The following FBLIM1 variants were observed in gnomAD, a reference collection of about 807,000 sequenced individuals.
FBLIM1 encodes the protein filamin binding LIM protein 1.
FBLIM1 carries 29 observed loss-of-function variants against 37.4 expected under a neutral mutation model. The observed-to-expected ratio is 0.77, with a 90% CI of 0.58 to 1.06. The LOEUF is 1.06. Ranked by LOEUF, FBLIM1 falls within the 50% of genes least tolerant of loss-of-function variation. FBLIM1 has a pLI of 0.00. For missense variants in FBLIM1, 449 were observed against 505.6 expected, an observed-to-expected ratio of 0.89 and a Z score of 1.07; for synonymous variants, 193 against 199.0, an observed-to-expected ratio of 0.97 and a Z score of 0.25.
In FBLIM1 at chr1:15,765,052, T is replaced by C; in HGVS notation, c.69T>C (p.Asp23=). The change falls in exon 3 of 9, where the codon GAT becomes GAC. Residue 23 remains aspartate (D), a synonymous_variant. Coordinates refer to ENST00000375766, the MANE Select transcript of FBLIM1 (RefSeq NM_017556.4). This position sits in a 1 kb window ranked among gnomAD's most constrained non-coding sequence, Gnocchi z 5.9. ...VFITLAPPRR[D]VAVAEEVRQA... The stretch of plus-strand genomic sequence containing the variant: ...TCACCCTGGCACCCCCGCGCCGCGA[T>C]GTGGCCGTGGCGGAGGAAGTGAGGC... 6.2e-7 allele frequency: 1 copy of C among 1,614,070 alleles called. No individual in the cohort carries two copies.
chr1:15,776,196 G>A (rs536759662), intron 7 of FBLIM1, among the ~76,000 whole-genome samples: 1 of 151,204 alleles, frequency 6.6e-6, no homozygotes, highest in South Asian at 2.1e-4. Context: ...GGCAGAGGTT[G>A]CAGTGAGCCG....
chr1:15,780,197 T>C (rs116353597), intron 8 of FBLIM1, among the ~76,000 whole-genome samples: 3,086 of 151,728 alleles, frequency 0.02, 79 homozygotes, highest in African/African-American at 0.063. Flanking sequence ...GGCCTGAAAT[T>C]CTTAAATTTT....
At chr1:15,783,307 G>T (rs2069690307) in intron 8 of FBLIM1, among the ~76,000 whole-genome samples, 1 of 152,146 alleles carries the variant, frequency 6.6e-6, no homozygotes, top group South Asian at 2.1e-4. Flanking sequence ...AAATATTAAT[G>T]TTTGTGCTGG....
At chr1:15,769,787 T>C (rs923213021) in intron 5 of FBLIM1, among the ~76,000 whole-genome samples, 2 of 151,754 alleles carry the variant, frequency 1.3e-5, no homozygotes, top group Non-Finnish European at 2.9e-5. Context: ...AGGCGCCCGC[T>C]ACCACGCCCA....
intron 6 of FBLIM1, among the ~76,000 whole-genome samples, chr1:15,772,196 GATTTGAAGGGTTAGAGT>G (rs1157527409): frequency 5.3e-5 from 8 of 152,300 alleles, no homozygotes; most frequent in Non-Finnish European, 1.5e-5. Flanking sequence ...GAAAACGGCT[GATTTGAAGGGTTAGAGT>G]ATTTGGAGCT....
At chr1:15,770,342 C>G in intron 5 of FBLIM1, 67 bp from the exon 6 acceptor site, 1 of 1,540,440 alleles carries the variant, frequency 6.5e-7, no homozygotes, top group South Asian at 1.1e-5. Context: ...TGAGCATGTT[C>G]TGGGTGGTGC....
intron 8 of FBLIM1, among the ~76,000 whole-genome samples, chr1:15,780,874 C>A (rs1299476122): frequency 6.6e-6 from 1 of 152,130 alleles, no homozygotes; most frequent in African/African-American, 2.4e-5. Flanking sequence ...GGTCAAAGTC[C>A]TGCTGATAAT....
rs1443341967 is a variant in FBLIM1, at chr1:15,777,904, G to A, written c.1008+617G>A. Reference sequence around the variant, plus strand: ...CATCTCTTGGCTCTCCCTTGTTTGTGTGTTTGCTTCATTTTCTCTGCCTGT... The same window carrying A: ...CATCTCTTGGCTCTCCCTTGTTTGTATGTTTGCTTCATTTTCTCTGCCTGT... On this transcript the variant is annotated intron_variant, in intron 8 of 8. Coordinates refer to ENST00000375766, the MANE Select transcript of FBLIM1 (RefSeq NM_017556.4). Among the ~76,000 whole-genome samples the A allele has an allele frequency of 2.6e-5, 4 of 152,200 alleles. 1 individual carries two copies. Among genetic ancestry groups the A allele is most frequent in the East Asian group, 3.9e-4 (2 of 5,176 alleles).
intron 6 of FBLIM1, among the ~76,000 whole-genome samples, chr1:15,771,165 C>G (rs889864205): frequency 2.6e-5 from 4 of 151,830 alleles, no homozygotes; most frequent in Non-Finnish European, 5.9e-5. Context: ...GTCTTGAACT[C>G]CTGACCTCGT....
In FBLIM1 at chr1:15,762,967, G is replaced by T. The variant is rs563127261; in HGVS notation, c.-210-1529G>T. 3.9e-5 allele frequency among the ~76,000 whole-genome samples: 6 copies of T among 152,288 alleles called. No individual in the cohort carries two copies. The East Asian group carries it at 9.7e-4, about 25-fold the overall frequency. On this transcript the variant is annotated intron_variant, in intron 1 of 8. Coordinates refer to ENST00000375766, the MANE Select transcript of FBLIM1 (RefSeq NM_017556.4). Reference sequence around the variant, plus strand: ...GAAAACCATAGAAGAAACACTGCAAGGCAAGAGAGAGGACATAGGAAGGGC... The same window carrying T: ...GAAAACCATAGAAGAAACACTGCAATGCAAGAGAGAGGACATAGGAAGGGC...
At chr1:15,767,095 G>T (rs192870897) in intron 3 of FBLIM1, among the ~76,000 whole-genome samples, 5 of 151,856 alleles carry the variant, frequency 3.3e-5, no homozygotes, top group Non-Finnish European at 7.4e-5. Context: ...GTCTCACTAT[G>T]TTGCCCAGGC....
At position 15,768,536 on chromosome 1, in the gene FBLIM1, G is replaced by A. The variant is rs140170023; in HGVS notation, c.447G>A (p.Ala149=). ...SPPPPPPQAP[A]EGPSVQPGPL... Reference sequence around the variant, plus strand: ...CGTCTGCATCCCCACAGGCCCCAGCGGAGGGACCTTCAGTCCAGCCCGGTC... The same window carrying A: ...CGTCTGCATCCCCACAGGCCCCAGCAGAGGGACCTTCAGTCCAGCCCGGTC... Residue 149 remains alanine (A), a synonymous_variant, in exon 5 of 9, where the codon GCG becomes GCA. Transcript: ENST00000375766. The A allele has an allele frequency of 0.013, 20,515 of 1,585,318 alleles. 170 individuals are homozygous for A. The highest frequency in any genetic ancestry group is 0.018 in the Middle Eastern group (106 of 5,922).
intron 4 of FBLIM1, 107 bp from the exon 5 acceptor site, chr1:15,768,421 T>C: frequency 1.4e-6 from 1 of 701,386 alleles, no homozygotes; most frequent in Non-Finnish European, 2.2e-6. Context: ...TTGGTTTCCT[T>C]CTCGGTACAA....
At chr1:15,767,144 C>G (rs569658523) in intron 3 of FBLIM1, among the ~76,000 whole-genome samples, 1 of 152,014 alleles carries the variant, frequency 6.6e-6, no homozygotes, top group African/African-American at 2.4e-5. Context: ...CTGCCTACCT[C>G]GGCCTCCCAA....
chr1:15,760,925 GCCGGGGCTC>G (rs903448347), intron 1 of FBLIM1, among the ~76,000 whole-genome samples: 2 of 152,160 alleles, frequency 1.3e-5, no homozygotes, highest in African/African-American at 4.8e-5. Context: ...CGGGAGGGAA[GCCGGGGCTC>G]CCTCTCCCGA....
intron 1 of FBLIM1, among the ~76,000 whole-genome samples, chr1:15,760,649 C>G (rs1358695644): frequency 6.6e-6 from 1 of 151,912 alleles, no homozygotes; most frequent in Admixed American, 6.5e-5. Flanking sequence ...GTGACCCCCC[C>G]TGAGCTGCAC....
intron 1 of FBLIM1, among the ~76,000 whole-genome samples, chr1:15,760,902 G>A (rs752340435): frequency 2.0e-5 from 3 of 152,148 alleles, no homozygotes; most frequent in Non-Finnish European, 4.4e-5. Context: ...CAGCTGAATC[G>A]GTGGCAGTGG....
intron 5 of FBLIM1, 84 bp downstream of exon 5, chr1:15,768,714 C>A: frequency 1.0e-6 from 1 of 976,188 alleles, no homozygotes. Context: ...AGAGTGAGGA[C>A]CCCTCTTCCC....
At chr1:15,766,748 C>T (rs1569765245) in intron 3 of FBLIM1, among the ~76,000 whole-genome samples, 1 of 152,054 alleles carries the variant, frequency 6.6e-6, no homozygotes, top group Middle Eastern at 3.4e-3. Flanking sequence ...GCATGCCCAC[C>T]ACGCCCAGCT....
Sources: gnomAD v4.1 joint callset for allele counts (sites outside exome capture counted in the v4.1 genomes callset) on GRCh38, gnomAD v4.1.1 for gene constraint, Gnocchi (gnomAD v3.1) non-coding constraint, MANE v1.5 for transcripts, NCBI Gene and HGNC (gene_info 2026-07-23, HGNC 2026-07-21) for gene names.